Variants in RFX3 observed in about 807,000 individuals in gnomAD.
RFX3 encodes the protein transcription factor RFX3.
RFX3 carries 14 observed loss-of-function variants against 98.6 expected under a neutral mutation model. The observed-to-expected ratio is 0.14, with a 90% CI of 0.09 to 0.22. The LOEUF (loss-of-function observed/expected upper bound fraction) is 0.22. RFX3 is among the 10% of genes least tolerant of loss of function. RFX3 has a pLI of 1.00. For synonymous variants in RFX3, 383 were observed against 328.4 expected (o/e 1.17, Z -1.80); for missense variants, 639 against 926.9 (o/e 0.69, Z 4.03).
intron 4 of RFX3, among the ~76,000 whole-genome samples, chr9:3,306,261 A>G (rs916644185): frequency 1.3e-5 from 2 of 152,072 alleles, no homozygotes; most frequent in African/African-American, 4.8e-5. Context: ...CCATAGCTTC[A>G]TGCAACAAAA....
At chr9:3,428,466 T>C (rs7031093) in intron 1 of RFX3, among the ~76,000 whole-genome samples, 4,075 of 152,312 alleles carry the variant, frequency 0.027, 196 homozygotes, top group African/African-American at 0.094. Flanking sequence ...TAAAATTTAT[T>C]TTATAAAGTC....
At chr9:3,518,352 C>A (rs1390100891) in intron 1 of RFX3, among the ~76,000 whole-genome samples, 1 of 152,140 alleles carries the variant, frequency 6.6e-6, no homozygotes, top group Non-Finnish European at 1.5e-5. Flanking sequence ...GAGGAGGTGG[C>A]TAAGCTGAGA....
chr9:3,292,336 T>C (rs1662645297), intron 6 of RFX3, among the ~76,000 whole-genome samples: 1 of 152,100 alleles, frequency 6.6e-6, no homozygotes, highest in Non-Finnish European at 1.5e-5. Context: ...CTTTTCATGA[T>C]ATTTTGGTTA....
chr9:3,514,148 C>T (rs1045767890), intron 1 of RFX3, among the ~76,000 whole-genome samples: 9 of 152,246 alleles, frequency 5.9e-5, no homozygotes, highest in South Asian at 2.1e-4. Flanking sequence ...CAAAACTACA[C>T]GAAGGTCATT....
chr9:3,414,684 ATATATGTATATATGAGTATATATGAG>A (rs1395654414), intron 1 of RFX3, among the ~76,000 whole-genome samples: 113 of 136,250 alleles, frequency 8.3e-4, no homozygotes, highest in Non-Finnish European at 1.3e-3. Flanking sequence ...ATATATGAGT[ATATATGTATATATGAGTATATATGAG>A]TATATATGTA....
chr9:3,452,776 C>T (rs1396979050), intron 1 of RFX3, among the ~76,000 whole-genome samples: 1 of 152,162 alleles, frequency 6.6e-6, no homozygotes, highest in East Asian at 1.9e-4. Flanking sequence ...ATAAAAGCAA[C>T]AAGAAATCCA....
intron 3 of RFX3, 148 bp from the exon 4 acceptor site, chr9:3,330,665 A>G: frequency 5.7e-6 from 4 of 695,710 alleles, no homozygotes; most frequent in Middle Eastern, 4.0e-4. Flanking sequence ...CTTCATTCCC[A>G]GAAACAGTTC....
intron 3 of RFX3, among the ~76,000 whole-genome samples, chr9:3,342,823 A>G (rs938740139): frequency 2.0e-5 from 3 of 152,212 alleles, no homozygotes; most frequent in African/African-American, 7.2e-5. Flanking sequence ...ATGATGATCA[A>G]GCCTTTGGGA....
rs552445623 is a variant in RFX3 at position 3,352,157 on chromosome 9, T to A, written c.118-5393A>T. On this transcript the variant is annotated intron_variant, in intron 2 of 16. Transcript: ENST00000617270. ...ATATTACTAAGTTTAAAAAGTATGTTGTGGAACAATACTTATTCTTACAGT... is the reference window on the plus strand; with the variant it reads ...ATATTACTAAGTTTAAAAAGTATGTAGTGGAACAATACTTATTCTTACAGT... Among the ~76,000 whole-genome samples the A allele has an allele frequency of 5.1e-4, 77 of 152,150 alleles. 1 individual carries two copies. The highest frequency in any genetic ancestry group is 1.7e-3 in the African/African-American group (72 of 41,570).
At chr9:3,393,373 A>C (rs1398953628) in intron 2 of RFX3, among the ~76,000 whole-genome samples, 3 of 152,098 alleles carry the variant, frequency 2.0e-5, no homozygotes, top group Non-Finnish European at 4.4e-5. Flanking sequence ...ATAATATGTA[A>C]ATTCAATAAA....
chr9:3,400,677 T>C (rs558361307), intron 1 of RFX3, among the ~76,000 whole-genome samples: 3 of 152,312 alleles, frequency 2.0e-5, no homozygotes, highest in African/African-American at 7.2e-5. Flanking sequence ...CATTAGAGGG[T>C]ATCAATCATA....
chr9:3,477,524 G>T (rs550785830), intron 1 of RFX3, among the ~76,000 whole-genome samples: 4 of 152,064 alleles, frequency 2.6e-5, no homozygotes, highest in African/African-American at 9.7e-5. Context: ...AGGGTTTCTC[G>T]TAAGTCAGCT....
chr9:3,375,522 C>A (rs949478884), intron 2 of RFX3, among the ~76,000 whole-genome samples: 1 of 152,142 alleles, frequency 6.6e-6, no homozygotes, highest in Admixed American at 6.5e-5. Flanking sequence ...TTTAGTATTC[C>A]ATTTATTTCT....
At chr9:3,395,079 G>C (rs1287865698) in intron 2 of RFX3, among the ~76,000 whole-genome samples, 1 of 152,098 alleles carries the variant, frequency 6.6e-6, no homozygotes, top group African/African-American at 2.4e-5. Context: ...ATCCTATTAA[G>C]TACTACTGTG....
At chr9:3,271,776 G>C (rs899031835) in intron 9 of RFX3, among the ~76,000 whole-genome samples, 2 of 152,158 alleles carry the variant, frequency 1.3e-5, no homozygotes, top group African/African-American at 4.8e-5. Flanking sequence ...AATTAGCTTT[G>C]TCTAAGGCAG....
intron 2 of RFX3, 68 bp downstream of exon 2, chr9:3,395,404 T>C: frequency 1.9e-6 from 3 of 1,560,670 alleles, no homozygotes; most frequent in South Asian, 2.3e-5. Context: ...AATTTTTGGA[T>C]ACAGGTATGT....
intron 2 of RFX3, among the ~76,000 whole-genome samples, chr9:3,387,751 G>T (rs1839873911): frequency 1.3e-5 from 2 of 151,906 alleles, no homozygotes; most frequent in African/African-American, 4.8e-5. Context: ...AAGCCAATGG[G>T]AATCAAGTCC....
At chr9:3,249,839 T>C (rs986818862) in intron 14 of RFX3, among the ~76,000 whole-genome samples, 3 of 152,084 alleles carry the variant, frequency 2.0e-5, no homozygotes, top group Non-Finnish European at 4.4e-5. Flanking sequence ...TACTGTTACC[T>C]ACATTAGTGT....
chr9:3,513,898 G>A (rs1330962652), intron 1 of RFX3, among the ~76,000 whole-genome samples: 1 of 152,098 alleles, frequency 6.6e-6, no homozygotes, highest in East Asian at 1.9e-4. Context: ...CTACTATACA[G>A]CTCTACTCAT....
Sources: gnomAD v4.1 joint callset for allele counts (sites outside exome capture counted in the v4.1 genomes callset) on GRCh38, gnomAD v4.1.1 for gene constraint, MANE v1.5 for transcripts, NCBI Gene and HGNC (gene_info 2026-07-23, HGNC 2026-07-21) for gene names.